Variants in APP observed in about 807,000 individuals in gnomAD.
APP encodes the protein amyloid-beta precursor protein.
Under a neutral mutation model 101.4 loss-of-function variants are expected in APP, and 31 were observed. That is an observed-to-expected ratio of 0.31 (90% CI 0.23 to 0.41). The LOEUF (loss-of-function observed/expected upper bound fraction) is 0.41. Among genes scored for constraint, APP ranks in the 10% least tolerant of loss-of-function variants. The probability of loss-of-function intolerance (pLI) is 1.00; values close to 1 mark genes in which losing one functional copy is unlikely to be tolerated. For missense variants in APP, 839 were observed against 1,003.7 expected (o/e 0.84, Z 2.22); for synonymous variants, 366 against 364.4 (o/e 1.00, Z -0.05).
At chr21:25,897,260 T>A (rs370986650) in intron 16 of APP, among the ~76,000 whole-genome samples, 4 of 152,130 alleles carry the variant, frequency 2.6e-5, no homozygotes, top group African/African-American at 7.2e-5. Flanking sequence ...CTACAGGTGT[T>A]TGCCACCACA....
chr21:26,072,266 C>T (rs997422767), intron 3 of APP, among the ~76,000 whole-genome samples: 3 of 152,140 alleles, frequency 2.0e-5, no homozygotes, highest in African/African-American at 7.2e-5. Context: ...TTGATAAAGC[C>T]ATATTGTCAT....
At chr21:26,068,040 C>T (rs1349222546) in intron 3 of APP, 1 of 152,092 alleles carries the variant, frequency 6.6e-6, no homozygotes, top group Admixed American at 6.5e-5. Context: ...GTTGGTGTTC[C>T]GTGAGGCAAA....
chr21:25,998,351 T>A (rs1174964231), intron 7 of APP, among the ~76,000 whole-genome samples: 7 of 141,108 alleles, frequency 5.0e-5, no homozygotes, highest in Admixed American at 4.4e-4. Flanking sequence ...AAGAAGGGAG[T>A]CCTTTGAGCC....
chr21:26,107,005 G>A (rs570180768), intron 2 of APP, among the ~76,000 whole-genome samples: 1 of 152,328 alleles, frequency 6.6e-6, no homozygotes, highest in South Asian at 2.1e-4. Flanking sequence ...ATTGCTGGGT[G>A]TCCTAGCATT....
chr21:26,065,106 G>T (rs9978084), intron 3 of APP, among the ~76,000 whole-genome samples: 1,946 of 152,086 alleles, frequency 0.013, 47 homozygotes, highest in African/African-American at 0.042. Flanking sequence ...CACCTGCCTC[G>T]GCCTCCCAAA....
chr21:25,909,810 CA>C (rs2038980440), intron 14 of APP, among the ~76,000 whole-genome samples: 1 of 152,204 alleles, frequency 6.6e-6, no homozygotes, highest in South Asian at 2.1e-4. Flanking sequence ...ATACATTTAA[CA>C]GGACAGTTTT....
At position 26,039,861 on chromosome 21, in the gene APP, AAAG is replaced by A. The variant is rs570685842; in HGVS notation, c.662+11136_662+11138del. ...ATATATAAAATGAATTGCTATATTA[AAAG>A]AATAATACAAATTAAAATACTATAA... On this transcript the variant is annotated intron_variant, in intron 5 of 17. Coordinates refer to ENST00000346798, the MANE Select transcript of APP (RefSeq NM_000484.4). Among the ~76,000 whole-genome samples the A allele has an allele frequency of 4.4e-3, 667 of 152,214 alleles. 4 individuals are homozygous for A. The highest frequency in any genetic ancestry group is 0.015 in the African/African-American group (627 of 41,566).
chr21:25,911,595 A>G (rs1217303664), intron 14 of APP, 146 bp downstream of exon 14: 6 of 688,910 alleles, frequency 8.7e-6, no homozygotes, highest in Non-Finnish European at 1.2e-5. Context: ...TTTTTAAAGT[A>G]AAATTATAAT....
At chr21:25,897,759 A>C in intron 15 of APP, 86 bp from the exon 16 acceptor site, 1 of 1,137,312 alleles carries the variant, frequency 8.8e-7, no homozygotes, top group South Asian at 1.2e-5. Context: ...GCCTACCCAA[A>C]ACTTCTTTCT....
chr21:26,007,299 T>C (rs915738494), intron 6 of APP, among the ~76,000 whole-genome samples: 2 of 149,950 alleles, frequency 1.3e-5, no homozygotes, highest in East Asian at 3.9e-4. Flanking sequence ...ACGACATAAA[T>C]ATTAAAATCC....
chr21:26,155,272 A>G (rs1024307368), intron 1 of APP, among the ~76,000 whole-genome samples: 5 of 152,230 alleles, frequency 3.3e-5, no homozygotes, highest in Non-Finnish European at 5.9e-5. Context: ...TCTCAAAAAA[A>G]TAGTAATAAT....
At chr21:26,018,531 C>T (rs772725719) in intron 6 of APP, among the ~76,000 whole-genome samples, 8 of 152,286 alleles carry the variant, frequency 5.3e-5, no homozygotes, top group Non-Finnish European at 1.0e-4. Flanking sequence ...TAACGTTACC[C>T]TCTAAAACAT....
rs1279648715 is a variant in APP, at chr21:26,013,876, T to C, written c.865+7964A>G. Among the ~76,000 whole-genome samples, 9 of 152,216 alleles carry C rather than the reference T, an allele frequency of 5.9e-5. 1 individual carries two copies. On this transcript the variant is annotated intron_variant, in intron 6 of 17. Coordinates refer to ENST00000346798, the MANE Select transcript of APP (RefSeq NM_000484.4). ...TGCTTGTCCATGTCCTGCTTCACTCTGCCTCTATCAAAGTGTGTATCAAAC... is the reference window on the plus strand; with the variant it reads ...TGCTTGTCCATGTCCTGCTTCACTCCGCCTCTATCAAAGTGTGTATCAAAC...
intron 14 of APP, among the ~76,000 whole-genome samples, chr21:25,909,613 G>A (rs1747003721): frequency 6.6e-6 from 1 of 152,174 alleles, no homozygotes; most frequent in Admixed American, 6.5e-5. Flanking sequence ...ACGTGTGCAC[G>A]CAGATTTTCT....
chr21:26,123,248 T>C (rs2062612718), intron 1 of APP, among the ~76,000 whole-genome samples: 1 of 152,208 alleles, frequency 6.6e-6, no homozygotes, highest in Admixed American at 6.5e-5. Context: ...ACTGTGTGCT[T>C]ATAACTCTCA....
At position 26,059,890 on chromosome 21, in the gene APP, C is replaced by CAAAAAAAAAAAAAAAAA. The variant is rs57594630; in HGVS notation, c.356-6559_356-6543dup. Among the ~76,000 whole-genome samples the CAAAAAAAAAAAAAAAAA allele has an allele frequency of 1.1e-4, 8 of 70,658 alleles. 1 individual carries two copies. In the East Asian group the frequency reaches 1.7e-3, roughly 15 times the overall value. The allele number at this position is 70,658 out of a possible 152,430, so 46.4% of individuals were successfully genotyped here. A position where few individuals can be genotyped will look rare whatever the true frequency, so the allele number is the denominator to read the frequency against. On this transcript the variant is annotated intron_variant, in intron 3 of 17. Coordinates refer to ENST00000346798, the MANE Select transcript of APP (RefSeq NM_000484.4). ...TGAGCGAAAGAGCGAGACTCCGTCT[C>CAAAAAAAAAAAAAAAAA]AAAAAAAAAAAAAAAAAAAAAAAAA...
At chr21:25,988,335 A>T (rs575115657) in intron 8 of APP, among the ~76,000 whole-genome samples, 2 of 152,192 alleles carry the variant, frequency 1.3e-5, no homozygotes, top group Non-Finnish European at 2.9e-5. Flanking sequence ...GAGGGGGAGT[A>T]TATGTGATGG....
chr21:25,903,261 T>C (rs964418232), intron 15 of APP, among the ~76,000 whole-genome samples: 4 of 150,114 alleles, frequency 2.7e-5, no homozygotes, highest in African/African-American at 9.9e-5. Context: ...CCCAGCTACT[T>C]GAGAGGCTGG....
Position 26,170,552 on chromosome 21 carries a change from C to T in APP, c.57+12G>A. 2 of 1,537,334 alleles carry T rather than the reference C, an allele frequency of 1.3e-6. No individual in the cohort carries two copies. Among genetic ancestry groups the T allele is most frequent in the South Asian group, 1.2e-5 (1 of 83,812 alleles). ...TGCAGCCTCCCCCCGCCTTCCGAGGCGCGGCACCCACCTCCAGCGCCCGAG... is the reference window on the plus strand; with the variant it reads ...TGCAGCCTCCCCCCGCCTTCCGAGGTGCGGCACCCACCTCCAGCGCCCGAG... On this transcript the variant is annotated intron_variant, in intron 1 of 17. Coordinates refer to ENST00000346798, the MANE Select transcript of APP (RefSeq NM_000484.4).
Sources: allele counts gnomAD v4.1 joint callset (sites outside exome capture counted in the v4.1 genomes callset), GRCh38; gene constraint gnomAD v4.1.1; transcripts MANE v1.5; gene names NCBI Gene and HGNC (gene_info 2026-07-23, HGNC 2026-07-21).